Variants in EDC4 observed in about 807,000 individuals in gnomAD.
EDC4 encodes the protein enhancer of mRNA-decapping protein 4.
A neutral mutation model predicts 155.8 loss-of-function variants in EDC4; 64 were observed. That is an observed-to-expected ratio of 0.41 (90% confidence interval 0.34 to 0.51). The LOEUF is 0.51. Ranked by LOEUF, EDC4 falls within the 20% of genes least tolerant of loss-of-function variation. The pLI is 0.19. For synonymous variants in EDC4, 684 were observed against 716.8 expected, an observed-to-expected ratio of 0.95 and a Z score of 0.73; for missense variants, 1,303 against 1,812.5, an observed-to-expected ratio of 0.72 and a Z score of 5.10.
At position 67,883,306 on chromosome 16, in the gene EDC4, CT is replaced by C; in HGVS notation, c.3849+130del. 1 of 1,418,070 alleles carries C rather than the reference CT, an allele frequency of 7.1e-7. No individual in the cohort carries two copies. The highest frequency in any genetic ancestry group is 1.4e-5 in the African/African-American group (1 of 69,856). The allele number at this position is 1,418,070 out of a possible 1,614,324, so 87.8% of individuals were successfully genotyped here. ...CAGACTGTTCTTGGTTCCCTTTGGCCTCCAGGCCATTGTCCCTGCTGCTTCC... is the reference window on the plus strand; with the variant it reads ...CAGACTGTTCTTGGTTCCCTTTGGCCCCAGGCCATTGTCCCTGCTGCTTCC... On this transcript the variant is annotated intron_variant, in intron 27 of 28. Coordinates refer to ENST00000358933, the MANE Select transcript of EDC4 (RefSeq NM_014329.5). The surrounding 1 kb of genome is among the most constrained non-coding windows in gnomAD (Gnocchi z 5.3).
chr16:67,880,093 G>C lies in EDC4; in HGVS notation c.1974G>C (p.Lys658Asn), dbSNP rs750168534. Residue 658 changes from lysine to asparagine, a missense_variant, in exon 17 of 29, where the codon AAG (lysine) becomes AAC (asparagine). By Grantham distance (94) the Lys-to-Asn change is moderately conservative. Transcript: ENST00000358933. The surrounding 1 kb of genome is among the most constrained non-coding windows in gnomAD (Gnocchi z 5.2). ...RPPEELTLSP[K>N]LQLDGSLTMS... ...CTGAGGAGCTGACCTTGAGCCCCAA[G>C]CTGCAGCTGGATGGCAGCCTGACAA... The C allele has an allele frequency of 3.1e-6, 5 of 1,611,134 alleles. No individual in the cohort carries two copies. Among genetic ancestry groups the C allele is most frequent in the Non-Finnish European group, 3.4e-6 (4 of 1,178,252 alleles).
Position 67,882,003 on chromosome 16 carries a change from G to A in EDC4, c.3054G>A (p.Gln1018=). 6.2e-7 allele frequency: 1 copy of A among 1,611,266 alleles called. No individual in the cohort carries two copies. Among genetic ancestry groups the A allele is most frequent in the South Asian group, 1.1e-5 (1 of 90,846 alleles). Residue 1018 remains glutamine (Q), a synonymous_variant, in exon 23 of 29, where the codon CAG becomes CAA. Transcript: ENST00000358933. This position sits in a 1 kb window ranked among gnomAD's most constrained non-coding sequence, Gnocchi z 7.2. ...ALAEGQQRGG[Q]LQEQLTQQLS... ...CTGAGGGGCAGCAGCGGGGAGGGCA[G>A]CTGCAGGAGCAGCTGACACAACAGT... is the stretch of plus-strand genomic sequence containing the variant.
rs1204651230 is a variant in EDC4 at position 67,881,393 on chromosome 16, A to G, written c.2765A>G (p.Lys922Arg). Residue 922 changes from lysine to arginine, a missense_variant, in exon 20 of 29, where the codon AAG (lysine) becomes AGG (arginine). Around this residue, in one of 5 missense-constraint regions of EDC4, gnomAD observed 527 missense variants for 757.0 expected, o/e 0.70. Transcript: ENST00000358933. This position sits in a 1 kb window ranked among gnomAD's most constrained non-coding sequence, Gnocchi z 5.4. ...TCCCCTCGAACCTCACCCAAGCTCA[A>G]GAGGAAAAGCAAGAAGGATGATGGG... ...KGSPRTSPKLKRKSKKDDGDA... is the reference protein window; with the variant it reads ...KGSPRTSPKLRRKSKKDDGDA... 6.2e-7 allele frequency: 1 copy of G among 1,614,030 alleles called. No homozygotes were observed. The highest frequency in any genetic ancestry group is 8.5e-7 in the Non-Finnish European group (1 of 1,180,006).
At position 67,881,122 on chromosome 16, in the gene EDC4, C is replaced by T. The variant is rs1265610875; in HGVS notation, c.2578C>T (p.Arg860Ter). 6 of 1,613,972 alleles carry T rather than the reference C, an allele frequency of 3.7e-6. No individual in the cohort carries two copies. Among genetic ancestry groups the T allele is most frequent in the Admixed American group, 3.3e-5 (2 of 60,008 alleles). ...QEKHKSLAFH[R>*]PPYHLLQQRD... ...AAAGCACAAGAGCCTGGCCTTCCAC[C>T]GACCACCATATCACCTGCTGCAGCA... The change falls in exon 19 of 29, where the codon CGA becomes TGA. Residue 860 changes from arginine to a stop codon, truncating the protein, a stop_gained. Coordinates refer to ENST00000358933, the MANE Select transcript of EDC4 (RefSeq NM_014329.5). LOFTEE classifies it high-confidence loss of function. The surrounding 1 kb of genome is among the most constrained non-coding windows in gnomAD (Gnocchi z 5.4).
Position 67,879,031 on chromosome 16 carries a change from G to T in EDC4, c.1362G>T (p.Leu454=). The T allele has an allele frequency of 6.2e-7, 1 of 1,612,646 alleles. No individual in the cohort carries two copies. Among genetic ancestry groups the T allele is most frequent in the South Asian group, 1.1e-5 (1 of 91,084 alleles). ...HACFSSISEF[L]LTHPVLSFGI... ...GCTTCAGCTCCATCTCGGAGTTCCT[G>T]CTCACCCACCCTGTGCTGAGCTTTG... The change falls in exon 12 of 29, where the codon CTG becomes CTT. Residue 454 remains leucine (L), a synonymous_variant. Transcript: ENST00000358933. The surrounding 1 kb of genome is among the most constrained non-coding windows in gnomAD (Gnocchi z 6.0).
Position 67,879,215 on chromosome 16 carries a change from A to T in EDC4, c.1469-22A>T. ...AGGCACAGAGAGGGCCAGGGGCTTC[A>T]TCATCCACACTGTCCTTTCAGATGG... On this transcript the variant is annotated intron_variant, in intron 12 of 28. Transcript: ENST00000358933. The surrounding 1 kb of genome is among the most constrained non-coding windows in gnomAD (Gnocchi z 6.0). 6.2e-7 allele frequency: 1 copy of T among 1,614,164 alleles called. No individual in the cohort carries two copies. Among genetic ancestry groups the T allele is most frequent in the Non-Finnish European group, 8.5e-7 (1 of 1,180,024 alleles).
Position 67,883,236 on chromosome 16 carries a change from C to A in EDC4, c.3849+59C>A. On this transcript the variant is annotated intron_variant, in intron 27 of 28. Transcript: ENST00000358933. The surrounding 1 kb of genome is among the most constrained non-coding windows in gnomAD (Gnocchi z 5.3). ...GTGTCTCTTGACAAGGCCCACATAC[C>A]ATACATTCTACTCCACCCACCACCT... The A allele has an allele frequency of 6.7e-7, 1 of 1,498,930 alleles. No individual in the cohort carries two copies. Among genetic ancestry groups the A allele is most frequent in the Non-Finnish European group, 8.9e-7 (1 of 1,122,316 alleles). The allele number at this position is 1,498,930 out of a possible 1,614,324, so 92.9% of individuals were successfully genotyped here. A position where few individuals can be genotyped will look rare whatever the true frequency, so the allele number is the denominator to read the frequency against.
chr16:67,878,905 G>T lies in EDC4; in HGVS notation c.1288-52G>T. The T allele has an allele frequency of 6.2e-7, 1 of 1,610,768 alleles. No homozygotes were observed. ...AGAGGAAGGCCGGGGGGCAGGTGGC[G>T]CATCACAGCCCTTAGCCTCTGAGCT... is the stretch of plus-strand genomic sequence containing the variant. On this transcript the variant is annotated intron_variant, in intron 11 of 28. Transcript: ENST00000358933. The surrounding 1 kb of genome is among the most constrained non-coding windows in gnomAD (Gnocchi z 5.2).
rs753348821 is a variant in EDC4, at chr16:67,879,087, G to A, written c.1418G>A (p.Arg473Gln). Residue 473 changes from arginine (R) to glutamine (Q), a missense_variant, in exon 12 of 29, where the codon CGG becomes CAG. Arg to Gln is a conservative substitution (Grantham distance 43, BLOSUM62 1). This residue lies in a region of EDC4 where 391 missense variants were observed against 445.4 expected (regional missense o/e 0.88). Transcript: ENST00000358933. The surrounding 1 kb of genome is among the most constrained non-coding windows in gnomAD (Gnocchi z 6.0). ...CAGGTTGTGAGTCGCTGCCGGCTAC[G>A]GCACACTGAGGTGCTGCCTGCCGAA... ...GIQVVSRCRLRHTEVLPAEEE... is the reference protein window; with the variant it reads ...GIQVVSRCRLQHTEVLPAEEE... The A allele has an allele frequency of 2.5e-6, 4 of 1,613,836 alleles. No homozygotes were observed. Among genetic ancestry groups the A allele is most frequent in the Middle Eastern group, 1.6e-4 (1 of 6,062 alleles).
At position 67,883,849 on chromosome 16, in the gene EDC4, CCTTT is replaced by C; in HGVS notation, c.4014-104_4014-101del. 2.6e-6 allele frequency: 4 copies of C among 1,535,284 alleles called. No individual in the cohort carries two copies. The highest frequency in any genetic ancestry group is 3.5e-6 in the Non-Finnish European group (4 of 1,133,382). ...CCTCTCCCTAATTTTCTCCACCAGT[CCTTT>C]CTGCCTTCACCCAGAGGGTTCCCTC... On this transcript the variant is annotated intron_variant, in intron 28 of 28. Coordinates refer to ENST00000358933, the MANE Select transcript of EDC4 (RefSeq NM_014329.5). The surrounding 1 kb of genome is among the most constrained non-coding windows in gnomAD (Gnocchi z 5.3).
At position 67,878,013 on chromosome 16, in the gene EDC4, C is replaced by G. The variant is rs2058049140; in HGVS notation, c.895-153C>G. The G allele has an allele frequency of 6.7e-7, 1 of 1,482,946 alleles. No homozygotes were observed. The highest frequency in any genetic ancestry group is 9.1e-7 in the Non-Finnish European group (1 of 1,102,724). The allele number at this position is 1,482,946 out of a possible 1,614,324, so 91.9% of individuals were successfully genotyped here. ...AGCTTTCTCCTTATCTAGCAGCACC[C>G]TGCAGGTCTGGCCTTCTCTAGGAAC... is the stretch of plus-strand genomic sequence containing the variant. On this transcript the variant is annotated intron_variant, in intron 7 of 28. Transcript: ENST00000358933. This position sits in a 1 kb window ranked among gnomAD's most constrained non-coding sequence, Gnocchi z 5.2.
Position 67,879,945 on chromosome 16 carries a change from C to G in EDC4, c.1917C>G (p.Thr639=), listed in dbSNP as rs574108694. Residue 639 remains threonine, a synonymous_variant, in exon 16 of 29, where the codon ACC becomes ACG. Transcript: ENST00000358933. This position sits in a 1 kb window ranked among gnomAD's most constrained non-coding sequence, Gnocchi z 6.0. The part of the protein sequence containing the change: ...SLTAVSAMSS[T]SAVDPSLTRP... ...CAGCTGTGTCTGCCATGAGCAGCAC[C>G]TCAGCTGTGGACCCCTCCTTGACCA... 2 of 1,612,934 alleles carry G rather than the reference C, an allele frequency of 1.2e-6. No individual in the cohort carries two copies. Among genetic ancestry groups the G allele is most frequent in the African/African-American group, 2.7e-5 (2 of 75,020 alleles).
chr16:67,876,634 CG>C lies in EDC4; in HGVS notation c.351+40del. The C allele has an allele frequency of 6.2e-7, 1 of 1,609,934 alleles. No homozygotes were observed. The highest frequency in any genetic ancestry group is 1.7e-5 in the Admixed American group (1 of 59,564). ...GGGATGCTGTGGCATATATAATGTA[CG>C]GGGGCACACCCAGCCTTTCCAGTCT... On this transcript the variant is annotated intron_variant, in intron 3 of 28. Coordinates refer to ENST00000358933, the MANE Select transcript of EDC4 (RefSeq NM_014329.5). This position sits in a 1 kb window ranked among gnomAD's most constrained non-coding sequence, Gnocchi z 5.8.
Position 67,880,534 on chromosome 16 carries a change from C to T in EDC4, c.2098-23C>T. The T allele has an allele frequency of 6.2e-7, 1 of 1,608,314 alleles. No homozygotes were observed. Among genetic ancestry groups the T allele is most frequent in the Non-Finnish European group, 8.5e-7 (1 of 1,176,232 alleles). ...TCTGCCTCACTTCCTGTCACTTAAG[C>T]CCCCATCTTTGGCCCACCTCAGGTG... On this transcript the variant is annotated intron_variant, in intron 17 of 28. Coordinates refer to ENST00000358933, the MANE Select transcript of EDC4 (RefSeq NM_014329.5). This position sits in a 1 kb window ranked among gnomAD's most constrained non-coding sequence, Gnocchi z 5.2.
In EDC4 at chr16:67,883,416, GTAAC is replaced by G. The variant is rs1176924027; in HGVS notation, c.3850-149_3850-146del. On this transcript the variant is annotated intron_variant, in intron 27 of 28. Transcript: ENST00000358933. This position sits in a 1 kb window ranked among gnomAD's most constrained non-coding sequence, Gnocchi z 5.3. ...GGAACCCATTTCCCAATCCCCTAGGGTAACTACACAGCCCTACAGGCTCTCTCTG... is the reference window on the plus strand; with the variant it reads ...GGAACCCATTTCCCAATCCCCTAGGGTACACAGCCCTACAGGCTCTCTCTG... 1.5e-6 allele frequency: 2 copies of G among 1,339,390 alleles called. No homozygotes were observed. The highest frequency in any genetic ancestry group is 2.9e-5 in the African/African-American group (2 of 68,512). 83.0% of individuals were successfully genotyped at this position (1,339,390 alleles called of 1,614,324 possible).
chr16:67,880,752 G>T lies in EDC4; in HGVS notation c.2293G>T (p.Glu765Ter). 6.2e-7 allele frequency: 1 copy of T among 1,614,200 alleles called. No homozygotes were observed. The highest frequency in any genetic ancestry group is 2.2e-5 in the East Asian group (1 of 44,882). ...GFGSSAPEGL[E>*]PDSMASAASA... is the part of the protein sequence containing the mutation. ...TGGCTCCTCTGCACCAGAGGGCCTT[G>T]AGCCAGACAGTATGGCTTCAGCCGC... Residue 765 changes from glutamate (E) to a stop codon, truncating the protein, a stop_gained, in exon 18 of 29, where the codon GAG becomes TAG. Transcript: ENST00000358933. LOFTEE classifies it high-confidence loss of function. This position sits in a 1 kb window ranked among gnomAD's most constrained non-coding sequence, Gnocchi z 5.2.
chr16:67,878,473 G>T lies in EDC4; in HGVS notation c.1088+30G>T. 1 of 1,614,208 alleles carries T rather than the reference G, an allele frequency of 6.2e-7. No individual in the cohort carries two copies. ...GTGAGTGGGCAGCCTAGTGGGTGGT[G>T]GGCTGGACCATGGCTCCCAGCAGGG... On this transcript the variant is annotated intron_variant, in intron 9 of 28. Coordinates refer to ENST00000358933, the MANE Select transcript of EDC4 (RefSeq NM_014329.5). This position sits in a 1 kb window ranked among gnomAD's most constrained non-coding sequence, Gnocchi z 5.2.
Position 67,879,969 on chromosome 16 carries a change from C to G in EDC4, c.1941C>G (p.Thr647=). The G allele has an allele frequency of 6.2e-7, 1 of 1,606,238 alleles. No individual in the cohort carries two copies. The highest frequency in any genetic ancestry group is 2.2e-5 in the East Asian group (1 of 44,752). ...CCTCAGCTGTGGACCCCTCCTTGAC[C>G]AGGTGAGGCAAGGGTCAGAGATGGA... ...SSTSAVDPSL[T]RPPEELTLSP... is the part of the protein sequence containing the mutation. The change falls in exon 16 of 29, where the codon ACC becomes ACG. Residue 647 remains threonine (T), a splice_region_variant and synonymous_variant. Coordinates refer to ENST00000358933, the MANE Select transcript of EDC4 (RefSeq NM_014329.5). The surrounding 1 kb of genome is among the most constrained non-coding windows in gnomAD (Gnocchi z 6.0).
chr16:67,884,169 AG>A lies in EDC4; in HGVS notation c.*25del. On this transcript the variant is annotated 3_prime_UTR_variant, in exon 29 of 29. Transcript: ENST00000358933. The surrounding 1 kb of genome is among the most constrained non-coding windows in gnomAD (Gnocchi z 4.1). ...CTTAGCTGCTAAGCCTGCCTTGCCC[AG>A]GGGTGGGATGGCACTGAAGGCCAGC... 6.3e-7 allele frequency: 1 copy of A among 1,587,502 alleles called. No individual in the cohort carries two copies.
Sources: allele counts gnomAD v4.1 joint callset, GRCh38; gene constraint gnomAD v4.1.1; regional missense constraint gnomAD v4.1.1; non-coding constraint Gnocchi (gnomAD v3.1); transcripts MANE v1.5; gene names NCBI Gene and HGNC (gene_info 2026-07-23, HGNC 2026-07-21).